The following USP32 variants were observed in gnomAD, a reference collection of about 807,000 sequenced individuals.
USP32 encodes ubiquitin specific peptidase 32.
USP32 carries 59 observed loss-of-function variants against 204.8 expected under a neutral mutation model. The observed-to-expected ratio is 0.29, with a 90% confidence interval of 0.23 to 0.36. USP32 has a LOEUF of 0.36. USP32 is among the 10% of genes least tolerant of loss of function. USP32 has a pLI of 1.00. For synonymous variants in USP32, 517 were observed against 678.4 expected, an observed-to-expected ratio of 0.76 and a Z score of 3.70; for missense variants, 1,160 against 1,946.4, an observed-to-expected ratio of 0.60 and a Z score of 7.60.
chr17:60,263,517 G>A (rs2086508446), intron 9 of USP32, among the ~76,000 whole-genome samples: 2 of 152,174 alleles, frequency 1.3e-5, no homozygotes, highest in African/African-American at 4.8e-5. Context: ...ATGGTTACAT[G>A]GAAATGAAGC....
Position 60,236,193 on chromosome 17 carries a change from T to G in USP32, c.1184A>C (p.Asn395Thr), listed in dbSNP as rs1454126098. The G allele has an allele frequency of 6.2e-7, 1 of 1,614,048 alleles. No homozygotes were observed. Among genetic ancestry groups the G allele is most frequent in the Admixed American group, 1.7e-5 (1 of 60,016 alleles). Residue 395 changes from asparagine to threonine, a missense_variant, in exon 12 of 34, where the codon AAC (asparagine) becomes ACC (threonine). Physicochemically the swap from Asn to Thr is moderately conservative, Grantham distance 65. Transcript: ENST00000300896. ...ESRYGLQAGH[N>T]WFIISMQWWQ... is the part of the protein sequence containing the mutation. ...CCACTGCATGGAGATGATAAACCAG[T>G]TGTGTCCTGCTTGCAGACCATACCT...
intron 1 of USP32, among the ~76,000 whole-genome samples, chr17:60,386,664 T>TAAGCACAAAGAGAGACAATG (rs2089737189): frequency 1.3e-5 from 2 of 152,172 alleles, no homozygotes; most frequent in African/African-American, 2.4e-5. Flanking sequence ...AAAGTCTCAC[T>TAAGCACAAAGAGAGACAATG]AAGCACAAAG....
chr17:60,192,768 C>A, intron 28 of USP32, 76 bp downstream of exon 28: 1 of 1,543,700 alleles, frequency 6.5e-7, no homozygotes, highest in Admixed American at 1.8e-5. Flanking sequence ...CTTCTCAAAA[C>A]TGGAAATCTT....
chr17:60,215,542 A>T (rs2085079520), intron 16 of USP32, among the ~76,000 whole-genome samples: 1 of 152,064 alleles, frequency 6.6e-6, no homozygotes, highest in Non-Finnish European at 1.5e-5. Flanking sequence ...TGAATCCCAC[A>T]GATAGATAAT....
intron 1 of USP32, among the ~76,000 whole-genome samples, chr17:60,401,522 A>T (rs1456811468): frequency 6.6e-6 from 1 of 152,034 alleles, no homozygotes; most frequent in Non-Finnish European, 1.5e-5. Context: ...AGTTCTGGGC[A>T]CCCTCAAAAT....
At chr17:60,240,633 G>C (rs75897902) in intron 11 of USP32, among the ~76,000 whole-genome samples, 3,274 of 152,206 alleles carry the variant, frequency 0.022, 138 homozygotes, top group African/African-American at 0.075. Flanking sequence ...CCTTAGTCTA[G>C]AAGCTCAGCC....
chr17:60,376,068 G>A (rs1439956012), intron 1 of USP32, among the ~76,000 whole-genome samples: 4 of 150,500 alleles, frequency 2.7e-5, no homozygotes, highest in African/African-American at 4.9e-5. Context: ...TTTTAGAGAC[G>A]GGGTCTCACT....
Position 60,208,666 on chromosome 17 carries a change from A to G in USP32, c.2761T>C (p.Leu921=), listed in dbSNP as rs755058035. Reference sequence around the variant, plus strand: ...CTTTCTGACCTACCTGTTATTTCTAAGTGCATATAACTGTCCATTGGTAGT... The same window carrying G: ...CTTTCTGACCTACCTGTTATTTCTAGGTGCATATAACTGTCCATTGGTAGT... ...LPLPMDSYMH[L]EITVIKLDGT... is the part of the protein sequence containing the mutation. Residue 921 remains leucine (L), a synonymous_variant, in exon 23 of 34, where the codon TTA becomes CTA. Coordinates refer to ENST00000300896, the MANE Select transcript of USP32 (RefSeq NM_032582.4). 3.3e-6 allele frequency: 5 copies of G among 1,508,638 alleles called. No individual in the cohort carries two copies. The Admixed American group carries it at 9.4e-5, about 28-fold the overall frequency. The allele number at this position is 1,508,638 out of a possible 1,614,324, so 93.5% of individuals were successfully genotyped here.
intron 26 of USP32, among the ~76,000 whole-genome samples, chr17:60,202,621 T>A (rs1282373947): frequency 1.3e-5 from 2 of 152,190 alleles, no homozygotes; most frequent in Non-Finnish European, 2.9e-5. Flanking sequence ...TTAATTTCTA[T>A]CAATATTTTA....
chr17:60,368,771 G>A (rs926980862), intron 1 of USP32, among the ~76,000 whole-genome samples: 24 of 151,954 alleles, frequency 1.6e-4, no homozygotes, highest in African/African-American at 5.8e-4. Flanking sequence ...ACCTCGAAAT[G>A]GCAACATTAT....
At chr17:60,389,791 C>T (rs932169296) in intron 1 of USP32, among the ~76,000 whole-genome samples, 1 of 151,576 alleles carries the variant, frequency 6.6e-6, no homozygotes, top group African/African-American at 2.4e-5. Flanking sequence ...CCGAGGCGGG[C>T]AGATCACAAG....
intron 1 of USP32, among the ~76,000 whole-genome samples, chr17:60,375,515 G>A (rs1175315383): frequency 1.3e-5 from 2 of 152,094 alleles, no homozygotes; most frequent in Admixed American, 6.5e-5. Flanking sequence ...AACCAAACAC[G>A]TCATATATGC....
chr17:60,392,443 C>G (rs905022800), upstream of USP32: 2 of 235,514 alleles, frequency 8.5e-6, no homozygotes, highest in South Asian at 3.4e-5. Flanking sequence ...CCTCCGCTGG[C>G]GACGGGGGGT....
intron 2 of USP32, among the ~76,000 whole-genome samples, chr17:60,324,707 A>G (rs1334953436): frequency 6.6e-6 from 1 of 152,200 alleles, no homozygotes; most frequent in Non-Finnish European, 1.5e-5. Context: ...AAATTATACT[A>G]AAAAACTGTT....
intron 5 of USP32, among the ~76,000 whole-genome samples, chr17:60,287,757 A>G (rs1011129504): frequency 2.0e-5 from 3 of 152,144 alleles, no homozygotes; most frequent in Non-Finnish European, 4.4e-5. Flanking sequence ...ACAGAGGCCT[A>G]TATTTTCCAT....
intron 16 of USP32, 28 bp downstream of exon 16, chr17:60,219,642 T>A (rs768782432): frequency 7.6e-6 from 12 of 1,579,676 alleles, no homozygotes; most frequent in Non-Finnish European, 1.0e-5. Flanking sequence ...CGGTAAATGC[T>A]GAGGAAACAT....
At chr17:60,340,448 G>A (rs952685103) in intron 2 of USP32, among the ~76,000 whole-genome samples, 6 of 152,148 alleles carry the variant, frequency 3.9e-5, no homozygotes, top group Admixed American at 2.0e-4. Context: ...TCTTTTGATC[G>A]TTGTTGGTTT....
At chr17:60,394,768 G>A (rs918116504), upstream of USP32, among the ~76,000 whole-genome samples, 9 of 151,928 alleles carry the variant, frequency 5.9e-5, no homozygotes, top group African/African-American at 2.2e-4. Context: ...TTTTGAGACG[G>A]AGTCTTGCTC....
intron 12 of USP32, among the ~76,000 whole-genome samples, chr17:60,227,807 T>C (rs2145595340): frequency 6.6e-6 from 1 of 152,296 alleles, no homozygotes; most frequent in East Asian, 1.9e-4. Context: ...AATTTCTTTG[T>C]TCCTTGTCTG....
Sources: allele counts gnomAD v4.1 joint callset (sites outside exome capture counted in the v4.1 genomes callset), GRCh38; gene constraint gnomAD v4.1.1; transcripts MANE v1.5; gene names NCBI Gene and HGNC (gene_info 2026-07-23, HGNC 2026-07-21).